The following SETBP1 variants were observed in gnomAD, a reference collection of about 807,000 sequenced individuals.
SETBP1 encodes SET binding protein 1, also known as SET-binding protein.
In SETBP1, 9 loss-of-function variants were observed where a neutral mutation model predicts 101.0. That is an observed-to-expected ratio of 0.09 (90% CI 0.05 to 0.16). The LOEUF is 0.16. Ranked by LOEUF, SETBP1 falls within the 10% of genes least tolerant of loss-of-function variation. The pLI is 1.00. For missense variants in SETBP1, 1,858 were observed against 2,033.8 expected, an observed-to-expected ratio of 0.91 and a Z score of 1.66; for synonymous variants, 818 against 788.5, an observed-to-expected ratio of 1.04 and a Z score of -0.63.
chr18:44,849,511 AG>A (rs2072802246), intron 2 of SETBP1, among the ~76,000 whole-genome samples: 1 of 152,162 alleles, frequency 6.6e-6, no homozygotes. Context: ...CCTATTTGGC[AG>A]GGCACTGAAG....
chr18:44,750,918 C>T (rs141044833), intron 2 of SETBP1, among the ~76,000 whole-genome samples: 14 of 152,236 alleles, frequency 9.2e-5, no homozygotes, highest in African/African-American at 1.4e-4. Flanking sequence ...TTGAGTAGGA[C>T]GTGGCTCTTT....
At chr18:44,769,042 G>T (rs1239993875) in intron 2 of SETBP1, among the ~76,000 whole-genome samples, 1 of 152,098 alleles carries the variant, frequency 6.6e-6, no homozygotes, top group African/African-American at 2.4e-5. Flanking sequence ...GAAGAGAGGA[G>T]AAAAAAACAA....
intron 3 of SETBP1, chr18:44,870,720 C>G (rs1282080592): frequency 6.6e-6 from 1 of 152,130 alleles, no homozygotes; most frequent in Non-Finnish European, 1.5e-5. Flanking sequence ...TTGTTTTAAT[C>G]TGAAAATTTA....
intron 3 of SETBP1, among the ~76,000 whole-genome samples, chr18:44,936,746 T>A (rs2070967590): frequency 6.6e-6 from 1 of 152,058 alleles, no homozygotes; most frequent in African/African-American, 2.4e-5. Flanking sequence ...GCAGATAGAC[T>A]CCATCTCTAA....
intron 4 of SETBP1, among the ~76,000 whole-genome samples, chr18:44,980,206 G>C (rs1162893902): frequency 2.0e-5 from 3 of 152,194 alleles, no homozygotes; most frequent in Admixed American, 2.0e-4. Flanking sequence ...GGAATATTTT[G>C]ATAGTGGTGT....
intron 2 of SETBP1, among the ~76,000 whole-genome samples, chr18:44,812,948 A>G (rs1252700428): frequency 6.6e-6 from 1 of 152,180 alleles, no homozygotes; most frequent in African/African-American, 2.4e-5. Context: ...CTTCCATGGC[A>G]TTAGCCATGG....
At chr18:44,808,831 C>T (rs1032035537) in intron 2 of SETBP1, among the ~76,000 whole-genome samples, 3 of 152,016 alleles carry the variant, frequency 2.0e-5, no homozygotes, top group African/African-American at 7.2e-5. Context: ...ACAAAAATAC[C>T]ATTAACCAGC....
chr18:45,055,672 A>G (rs2073797205), intron 5 of SETBP1, among the ~76,000 whole-genome samples: 1 of 152,202 alleles, frequency 6.6e-6, no homozygotes, highest in Admixed American at 6.5e-5. Flanking sequence ...ATTCAAAAGA[A>G]TAAAGTACAT....
intron 4 of SETBP1, among the ~76,000 whole-genome samples, chr18:45,003,366 G>A (rs1369059153): frequency 1.3e-5 from 2 of 152,148 alleles, no homozygotes; most frequent in African/African-American, 2.4e-5. Context: ...GTTGCAATAA[G>A]TAGTTTGCTT....
intron 3 of SETBP1, among the ~76,000 whole-genome samples, chr18:44,884,220 AAGGT>A (rs2069591546): frequency 6.6e-6 from 1 of 152,192 alleles, no homozygotes; most frequent in Non-Finnish European, 1.5e-5. Context: ...GACCTTGTTC[AAGGT>A]GGATTACTCC....
At chr18:44,970,974 C>A (rs1344938580) in intron 4 of SETBP1, among the ~76,000 whole-genome samples, 1 of 151,944 alleles carries the variant, frequency 6.6e-6, no homozygotes, top group Non-Finnish European at 1.5e-5. Context: ...CCCATTAACT[C>A]TTCATTTAAC....
At chr18:44,791,734 A>AGT (rs1409208778) in intron 2 of SETBP1, among the ~76,000 whole-genome samples, 1 of 152,098 alleles carries the variant, frequency 6.6e-6, no homozygotes, top group East Asian at 1.9e-4. Context: ...AGAGAGAGAG[A>AGT]GAGAGAGCGA....
intron 3 of SETBP1, among the ~76,000 whole-genome samples, chr18:44,925,556 G>C (rs2070687961): frequency 1.3e-5 from 2 of 152,176 alleles, no homozygotes; most frequent in African/African-American, 4.8e-5. Flanking sequence ...TTTCAGCTGA[G>C]ACAGGAAAGG....
intron 2 of SETBP1, among the ~76,000 whole-genome samples, chr18:44,716,248 TG>T (rs1234494495): frequency 6.6e-6 from 1 of 152,242 alleles, no homozygotes; most frequent in African/African-American, 2.4e-5. Flanking sequence ...AGTCAGTGGT[TG>T]CAGCTGCTGC....
intron 3 of SETBP1, among the ~76,000 whole-genome samples, chr18:44,903,385 A>G (rs1822452): frequency 6.6e-6 from 1 of 152,178 alleles, no homozygotes; most frequent in Non-Finnish European, 1.5e-5. Flanking sequence ...ATAGATCATT[A>G]TCTGATGTTA....
At chr18:44,897,288 G>A (rs2069928884) in intron 3 of SETBP1, among the ~76,000 whole-genome samples, 1 of 152,094 alleles carries the variant, frequency 6.6e-6, no homozygotes, top group Admixed American at 6.5e-5. Context: ...GAAGCTTCGG[G>A]GCATCCCTAT....
At chr18:44,805,517 T>C (rs2071711929) in intron 2 of SETBP1, among the ~76,000 whole-genome samples, 1 of 152,032 alleles carries the variant, frequency 6.6e-6, no homozygotes, top group East Asian at 1.9e-4. Flanking sequence ...TCTCAACCCC[T>C]TCACAAAGCA....
chr18:44,902,230 CTT>C (rs879449318), intron 3 of SETBP1, among the ~76,000 whole-genome samples: 1,419 of 46,174 alleles, frequency 0.031, 9 homozygotes, highest in Middle Eastern at 0.064. Context: ...ATATCTCTCT[CTT>C]TCTCTCTCTC....
intron 3 of SETBP1, among the ~76,000 whole-genome samples, chr18:44,937,959 A>G (rs1302745877): frequency 6.6e-6 from 1 of 152,186 alleles, no homozygotes; most frequent in Non-Finnish European, 1.5e-5. Context: ...ATGATCTCTC[A>G]TGTTCTTATC....
Sources: gnomAD v4.1 joint callset for allele counts (sites outside exome capture counted in the v4.1 genomes callset) on GRCh38, gnomAD v4.1.1 for gene constraint, MANE v1.5 for transcripts, NCBI Gene and HGNC (gene_info 2026-07-23, HGNC 2026-07-21) for gene names.